RMST: variants seen among roughly 807,000 people sequenced by gnomAD.
RMST encodes long intergenic non-protein coding RNA 54.
chr12:97,547,219 TAAA>T (rs931945256), intron 11 of RMST, among the ~76,000 whole-genome samples: 95 of 148,458 alleles, frequency 6.4e-4, no homozygotes, highest in African/African-American at 2.3e-3. Flanking sequence ...AATAATATAA[TAAA>T]AATATGTATA....
intron 10 of RMST, among the ~76,000 whole-genome samples, chr12:97,512,212 G>A (rs891287662): frequency 2.0e-5 from 3 of 152,138 alleles, no homozygotes; most frequent in Non-Finnish European, 2.9e-5. Flanking sequence ...CGCGTCTGGC[G>A]TTCCTCCCGG....
At chr12:97,557,203 A>C (rs904571805) in intron 11 of RMST, among the ~76,000 whole-genome samples, 3 of 152,198 alleles carry the variant, frequency 2.0e-5, no homozygotes, top group African/African-American at 7.2e-5. Context: ...CAGTTTTGCA[A>C]ATCAGATTTA....
At chr12:97,534,145 A>G (rs980607241) in intron 11 of RMST, among the ~76,000 whole-genome samples, 3 of 151,812 alleles carry the variant, frequency 2.0e-5, no homozygotes, top group African/African-American at 7.2e-5. Flanking sequence ...AATTGTAAAC[A>G]AATACGTTGT....
chr12:97,485,075 A>C (rs913691853), intron 5 of RMST, among the ~76,000 whole-genome samples: 1 of 152,194 alleles, frequency 6.6e-6, no homozygotes, highest in Non-Finnish European at 1.5e-5. Context: ...GGAGAATACA[A>C]ATCATCAAAA....
intron 11 of RMST, among the ~76,000 whole-genome samples, chr12:97,548,747 T>A (rs2136642323): frequency 6.6e-6 from 1 of 152,270 alleles, no homozygotes; most frequent in African/African-American, 2.4e-5. Context: ...AACAGGTTTT[T>A]TTGTAAAATC....
At chr12:97,471,726 A>T (rs1579238) in intron 5 of RMST, among the ~76,000 whole-genome samples, 1 of 152,068 alleles carries the variant, frequency 6.6e-6, no homozygotes, top group Non-Finnish European at 1.5e-5. Context: ...CACAATGAGA[A>T]TAGCAAATGG....
chr12:97,482,733 ATTTATATTATTTATTTAT>A (rs1261164249), intron 5 of RMST, among the ~76,000 whole-genome samples: 29 of 74,336 alleles, frequency 3.9e-4, no homozygotes, highest in African/African-American at 1.4e-3. Flanking sequence ...TATTAAATAA[ATTTATATTATTTATTTAT>A]TAAATAAATT....
At chr12:97,465,804 C>T (rs1873115620) in intron 5 of RMST, 4 of 152,030 alleles carry the variant, frequency 2.6e-5, no homozygotes. Context: ...TGGAAAACTG[C>T]TCTCTAATTA....
intron 5 of RMST, among the ~76,000 whole-genome samples, chr12:97,484,347 G>C (rs534243998): frequency 6.6e-4 from 101 of 152,266 alleles, no homozygotes; most frequent in Non-Finnish European, 1.8e-4. Flanking sequence ...ACATGTATCT[G>C]TCTTTTGTGA....
At chr12:97,512,392 TG>T (rs1211495174) in intron 10 of RMST, among the ~76,000 whole-genome samples, 2 of 152,214 alleles carry the variant, frequency 1.3e-5, no homozygotes, top group African/African-American at 4.8e-5. Context: ...TTAACACTGC[TG>T]GCTCCGGCAG....
chr12:97,483,038 T>G (rs1875616037), intron 5 of RMST, among the ~76,000 whole-genome samples: 1 of 151,986 alleles, frequency 6.6e-6, no homozygotes, highest in African/African-American at 2.4e-5. Context: ...AGTCATATTT[T>G]CAAATGAATG....
chr12:97,517,528 C>CT (rs2136538907), intron 10 of RMST, among the ~76,000 whole-genome samples: 1 of 151,826 alleles, frequency 6.6e-6, no homozygotes, highest in African/African-American at 2.4e-5. Flanking sequence ...AGAAACACTG[C>CT]TTTTTTCATT....
intron 10 of RMST, among the ~76,000 whole-genome samples, chr12:97,525,553 A>G (rs925114066): frequency 9.2e-5 from 14 of 152,206 alleles, no homozygotes; most frequent in Admixed American, 2.6e-4. Context: ...TACTGTGAAG[A>G]TTAGTTTCTT....
chr12:97,479,882 C>T (rs1027446841), intron 5 of RMST, among the ~76,000 whole-genome samples: 1 of 152,100 alleles, frequency 6.6e-6, no homozygotes, highest in Non-Finnish European at 1.5e-5. Flanking sequence ...TCCAACCTAA[C>T]GTGTGCAAAC....
At chr12:97,541,669 A>T (rs529568369) in intron 11 of RMST, among the ~76,000 whole-genome samples, 13 of 151,408 alleles carry the variant, frequency 8.6e-5, no homozygotes, top group African/African-American at 1.4e-4. Context: ...AGATCTAAAT[A>T]TGGTAAAATG....
intron 11 of RMST, among the ~76,000 whole-genome samples, chr12:97,555,528 C>A (rs1050259563): frequency 6.6e-6 from 1 of 152,164 alleles, no homozygotes; most frequent in Non-Finnish European, 1.5e-5. Context: ...GCCACAATTT[C>A]CTAGATTTCA....
intron 11 of RMST, among the ~76,000 whole-genome samples, chr12:97,556,340 C>G (rs1338966972): frequency 1.3e-5 from 2 of 152,122 alleles, no homozygotes; most frequent in Non-Finnish European, 2.9e-5. Context: ...ACATACTCCC[C>G]TAGAAAGGAA....
chr12:97,520,914 G>T (rs1880446462), intron 10 of RMST, among the ~76,000 whole-genome samples: 1 of 152,230 alleles, frequency 6.6e-6, no homozygotes. Flanking sequence ...ATAGGAGTGA[G>T]AAAGTCTGAG....
chr12:97,515,009 A>T (rs1879788487), intron 10 of RMST, among the ~76,000 whole-genome samples: 1 of 152,188 alleles, frequency 6.6e-6, no homozygotes, highest in Non-Finnish European at 1.5e-5. Context: ...AGCTAAAGCT[A>T]TGATATTGAT....
Sources: gnomAD v4.1 joint callset for allele counts (sites outside exome capture counted in the v4.1 genomes callset) on GRCh38, gnomAD v4.1.1 for gene constraint, MANE v1.5 for transcripts, NCBI Gene and HGNC (gene_info 2026-07-23, HGNC 2026-07-21) for gene names.